The following PIK3CD variants were observed in gnomAD, a reference collection of about 807,000 sequenced individuals.
PIK3CD encodes the protein phosphatidylinositol-4,5-bisphosphate 3-kinase catalytic subunit delta.
Under a neutral mutation model 122.9 loss-of-function variants are expected in PIK3CD, and 20 were observed. The observed-to-expected ratio is 0.16, with a 90% CI of 0.11 to 0.24. The LOEUF (loss-of-function observed/expected upper bound fraction) is 0.24, where lower values mean the gene tolerates loss of function less well. Among genes scored for constraint, PIK3CD ranks in the 10% least tolerant of loss-of-function variants. The pLI is 1.00. For synonymous variants in PIK3CD, 596 were observed against 593.4 expected, an observed-to-expected ratio of 1.00 and a Z score of -0.06; for missense variants, 787 against 1,406.3, an observed-to-expected ratio of 0.56 and a Z score of 7.04.
At chr1:9,696,097 G>A (rs1557636446) in intron 2 of PIK3CD, among the ~76,000 whole-genome samples, 3 of 150,974 alleles carry the variant, frequency 2.0e-5, no homozygotes, top group Non-Finnish European at 4.4e-5. Context: ...TCAGCCCCCC[G>A]AGTAGCTGGG....
chr1:9,683,474 A>C (rs983053818), intron 1 of PIK3CD, among the ~76,000 whole-genome samples: 8 of 151,822 alleles, frequency 5.3e-5, no homozygotes, highest in South Asian at 2.1e-4. Context: ...ACAACAACAA[A>C]AAAAACGAGC....
chr1:9,639,579 T>TG, the PIK3CD span, among the ~76,000 whole-genome samples: 1 of 152,208 alleles, frequency 6.6e-6, no homozygotes, highest in Non-Finnish European at 1.5e-5. Flanking sequence ...AAGGGGAGGC[T>TG]GAGCCCCCCA....
intron 2 of PIK3CD, among the ~76,000 whole-genome samples, chr1:9,695,315 G>A (rs888904749): frequency 1.1e-4 from 17 of 152,064 alleles, no homozygotes; most frequent in Non-Finnish European, 4.4e-5. Context: ...CAAGAGAAAC[G>A]GAGGAAGGAA....
intron 1 of PIK3CD, among the ~76,000 whole-genome samples, chr1:9,673,603 A>G (rs761008974): frequency 1.6e-4 from 25 of 151,630 alleles, no homozygotes; most frequent in Non-Finnish European, 3.1e-4. Context: ...AAGTCTGGCT[A>G]TGTTGCCTAG....
rs984276392 is a variant in PIK3CD at position 9,719,258 on chromosome 1, G to T, written c.1242+343G>T. On this transcript the variant is annotated intron_variant, in intron 9 of 23. Transcript: ENST00000377346. The surrounding 1 kb of genome is among the most constrained non-coding windows in gnomAD (Gnocchi z 5.5). ...CAGCGGCTGGCCGGGAGGCGTAGTG[G>T]CTGGGTGCTGAGTCACGGTCCCAGG... 6.6e-6 allele frequency among the ~76,000 whole-genome samples: 1 copy of T among 152,242 alleles called. No individual in the cohort carries two copies. Among genetic ancestry groups the T allele is most frequent in the Non-Finnish European group, 1.5e-5 (1 of 68,036 alleles).
intron 2 of PIK3CD, among the ~76,000 whole-genome samples, chr1:9,693,540 T>C (rs1330983191): frequency 6.6e-6 from 1 of 152,168 alleles, no homozygotes; most frequent in Non-Finnish European, 1.5e-5. Context: ...GACCTGTGTC[T>C]GCACCTTTTA....
chr1:9,696,955 G>T (rs61783043), intron 2 of PIK3CD, among the ~76,000 whole-genome samples: 2 of 151,246 alleles, frequency 1.3e-5, no homozygotes, highest in Non-Finnish European at 2.9e-5. Context: ...AATTAGCCAA[G>T]TGTGGTGGTG....
chr1:9,680,089 T>C (rs1645693169), intron 1 of PIK3CD, among the ~76,000 whole-genome samples: 1 of 152,188 alleles, frequency 6.6e-6, no homozygotes, highest in Non-Finnish European at 1.5e-5. Context: ...CATCCCAAAG[T>C]GCTAGGATTA....
Position 9,727,712 on chromosome 1 carries a change from CGT to C in PIK3CD, c.*669_*670del, listed in dbSNP as rs1298703823. The C allele has an allele frequency of 9.5e-6, 2 of 211,230 alleles. No homozygotes were observed. Among genetic ancestry groups the C allele is most frequent in the Non-Finnish European group, 9.6e-6 (1 of 104,030 alleles). 13.1% of individuals were successfully genotyped at this position (211,230 alleles called of 1,614,324 possible). ...GGAGAATCTACGCTGGTCCTCAGGACGTGTTAAAGAGATCTGGGCCTCATGTA... is the reference window on the plus strand; with the variant it reads ...GGAGAATCTACGCTGGTCCTCAGGACGTTAAAGAGATCTGGGCCTCATGTA... On this transcript the variant is annotated 3_prime_UTR_variant, in exon 24 of 24. Transcript: ENST00000377346.
upstream of PIK3CD, among the ~76,000 whole-genome samples, chr1:9,649,519 C>T (rs1644637347): frequency 6.6e-6 from 1 of 152,160 alleles, no homozygotes; most frequent in Non-Finnish European, 1.5e-5. Context: ...AGGCCTGAGC[C>T]ATCATGCCTG....
chr1:9,633,051 C>T, the PIK3CD span, among the ~76,000 whole-genome samples: 2 of 151,828 alleles, frequency 1.3e-5, no homozygotes, highest in Admixed American at 6.6e-5. Flanking sequence ...TTAGTAGAGA[C>T]GAGGTTTCAC....
At position 9,716,422 on chromosome 1, in the gene PIK3CD, C is replaced by A. The variant is rs1011774127; in HGVS notation, c.601-18C>A. 6.2e-7 allele frequency: 1 copy of A among 1,610,296 alleles called. No homozygotes were observed. Among genetic ancestry groups the A allele is most frequent in the Admixed American group, 1.7e-5 (1 of 59,994 alleles). On this transcript the variant is annotated intron_variant, in intron 5 of 23. Coordinates refer to ENST00000377346, the MANE Select transcript of PIK3CD (RefSeq NM_005026.5). ...GGGGGCCTCGAGGGCAGAGGACTGA[C>A]CTCCCTCCTCCCCACAGGAGAGCTT...
the PIK3CD span, among the ~76,000 whole-genome samples, chr1:9,629,669 T>G: frequency 6.6e-6 from 1 of 151,954 alleles, no homozygotes; most frequent in Non-Finnish European, 1.5e-5. Context: ...TGGGAGAAGG[T>G]GAGCTAAGAT....
In PIK3CD at chr1:9,722,534, G is replaced by A. The variant is rs1486776204; in HGVS notation, c.2354G>A (p.Arg785Gln). 1.2e-6 allele frequency: 2 copies of A among 1,613,058 alleles called. No homozygotes were observed. The highest frequency in any genetic ancestry group is 1.7e-6 in the Non-Finnish European group (2 of 1,179,722). Residue 785 changes from arginine to glutamine, a missense_variant, in exon 19 of 24, where the codon CGG (arginine) becomes CAG (glutamine). By Grantham distance (43) the Arg-to-Gln change is conservative (BLOSUM62 1). Transcript: ENST00000377346. This position sits in a 1 kb window ranked among gnomAD's most constrained non-coding sequence, Gnocchi z 7.6. ...GIIFKNGDDL[R>Q]QDMLTLQMIQ... is the part of the protein sequence containing the mutation. ...CCACCGGCCGGTGGCACAGACCTCC[G>A]GCAGGACATGCTGACCCTGCAGATG...
At chr1:9,716,738 C>T (rs1199009500) in intron 6 of PIK3CD, 119 bp downstream of exon 6, 1 of 1,221,750 alleles carries the variant, frequency 8.2e-7, no homozygotes, top group African/African-American at 1.5e-5. Flanking sequence ...GCCTTTGGGT[C>T]ACCGCCAGAG....
intron 2 of PIK3CD, among the ~76,000 whole-genome samples, chr1:9,699,715 C>A (rs539420439): frequency 2.0e-4 from 31 of 152,180 alleles, no homozygotes; most frequent in Admixed American, 4.6e-4. Context: ...CCTGCCTCAG[C>A]CTACTTGGGA....
In PIK3CD at chr1:9,717,118, C is replaced by T. The variant is rs771792085; in HGVS notation, c.930+10C>T. 9.3e-5 allele frequency: 150 copies of T among 1,613,724 alleles called. 1 individual carries two copies. In the Admixed American group the frequency reaches 2.0e-3, roughly 22 times the overall value. On this transcript the variant is annotated intron_variant, in intron 7 of 23. Coordinates refer to ENST00000377346, the MANE Select transcript of PIK3CD (RefSeq NM_005026.5). The surrounding 1 kb of genome is among the most constrained non-coding windows in gnomAD (Gnocchi z 5.4). ...CATTCCTGCGAAGAAGGTGAGATGG[C>T]GCCTTCCGCCTCCCCTCTGAGCCAC...
chr1:9,666,433 ATGT>A (rs1645162969), intron 1 of PIK3CD, among the ~76,000 whole-genome samples: 2 of 150,958 alleles, frequency 1.3e-5, no homozygotes, highest in Non-Finnish European at 2.9e-5. Context: ...GGGTTTTACT[ATGT>A]TGGCCAGGCT....
upstream of PIK3CD, among the ~76,000 whole-genome samples, chr1:9,648,854 C>T (rs564304686): frequency 1.9e-4 from 29 of 152,338 alleles, no homozygotes; most frequent in African/African-American, 7.0e-4. Context: ...GTAATCCCAG[C>T]ACTTTGGGAG....
Sources: gnomAD v4.1 joint callset for allele counts (sites outside exome capture counted in the v4.1 genomes callset) on GRCh38, gnomAD v4.1.1 for gene constraint, Gnocchi (gnomAD v3.1) non-coding constraint, MANE v1.5 for transcripts, NCBI Gene and HGNC (gene_info 2026-07-23, HGNC 2026-07-21) for gene names.